The following PIP5K1C variants were observed in gnomAD, a reference collection of about 807,000 sequenced individuals.
PIP5K1C encodes phosphatidylinositol 4-phosphate 5-kinase type-1 gamma.
PIP5K1C carries 45 observed loss-of-function variants against 80.1 expected under a neutral mutation model. That is an observed-to-expected ratio of 0.56 (90% CI 0.44 to 0.72). The LOEUF (loss-of-function observed/expected upper bound fraction) is 0.72. Ranked by LOEUF, PIP5K1C falls within the 30% of genes least tolerant of loss-of-function variation. The probability of loss-of-function intolerance (pLI) is 0.00; values close to 1 mark genes in which losing one functional copy is unlikely to be tolerated. For missense variants in PIP5K1C, 753 were observed against 954.6 expected (o/e 0.79, Z 2.78); for synonymous variants, 498 against 420.1 (o/e 1.19, Z -2.27).
intron 1 of PIP5K1C, 27 bp from the exon 2 acceptor site, chr19:3,667,380 G>C (rs1429116070): frequency 8.1e-6 from 13 of 1,612,712 alleles, no homozygotes; most frequent in Non-Finnish European, 8.5e-6. Flanking sequence ...CTGGGTATCA[G>C]ACAGGAAACC....
chr19:3,673,372 C>G (rs978549305), intron 1 of PIP5K1C, among the ~76,000 whole-genome samples: 1 of 152,198 alleles, frequency 6.6e-6, no homozygotes, highest in Non-Finnish European at 1.5e-5. Context: ...CACGGCACCA[C>G]CTGATACATG....
intron 13 of PIP5K1C, 77 bp from the exon 14 acceptor site, chr19:3,643,016 G>A (rs972632443): frequency 2.7e-5 from 42 of 1,557,902 alleles, no homozygotes; most frequent in East Asian, 4.5e-5. Context: ...TTGCCTACCC[G>A]CCTGCCTACC....
At position 3,662,016 on chromosome 19, in the gene PIP5K1C, G is replaced by C; in HGVS notation, c.220-15C>G. The C allele has an allele frequency of 6.3e-7, 1 of 1,577,220 alleles. No individual in the cohort carries two copies. The highest frequency in any genetic ancestry group is 8.6e-7 in the Non-Finnish European group (1 of 1,164,718). ...GAGGAGGTGGTCTGCAGGGAGACCA[G>C]AGTGTCAGGGCCCCCGGCTGCTCCC... On this transcript the variant is annotated splice_polypyrimidine_tract_variant and intron_variant, in intron 3 of 17. Transcript: ENST00000335312.
At chr19:3,664,090 C>T (rs776661944) in intron 3 of PIP5K1C, among the ~76,000 whole-genome samples, 47 of 152,324 alleles carry the variant, frequency 3.1e-4, no homozygotes, top group Non-Finnish European at 5.9e-4. Context: ...ACCCTGAGGA[C>T]GCTACACTCA....
In PIP5K1C at chr19:3,632,768, G is replaced by T. The variant is rs1380524408; in HGVS notation, c.*399C>A. On this transcript the variant is annotated 3_prime_UTR_variant, in exon 18 of 18. Transcript: ENST00000335312. ...CCCAGAGGCCACCGCGAACAGCCTG[G>T]CTTCTTCCTCAGGACACAGGCAGGC... is the stretch of plus-strand genomic sequence containing the variant. The T allele has an allele frequency of 1.6e-5, 3 of 190,730 alleles. No individual in the cohort carries two copies. The highest frequency in any genetic ancestry group is 3.2e-5 in the Non-Finnish European group (3 of 94,110). The allele number at this position is 190,730 out of a possible 1,614,324, so 11.8% of individuals were successfully genotyped here.
chr19:3,654,139 C>T (rs1054462455), intron 6 of PIP5K1C, among the ~76,000 whole-genome samples: 1 of 152,210 alleles, frequency 6.6e-6, no homozygotes, highest in Non-Finnish European at 1.5e-5. Flanking sequence ...AGTGCCAGGA[C>T]TCCAGGCGTG....
intron 10 of PIP5K1C, among the ~76,000 whole-genome samples, chr19:3,646,504 C>A (rs926727926): frequency 6.6e-6 from 1 of 152,146 alleles, no homozygotes; most frequent in African/African-American, 2.4e-5. Flanking sequence ...ACTCCACCCC[C>A]GCAGGCTGCA....
intron 1 of PIP5K1C, among the ~76,000 whole-genome samples, chr19:3,670,660 G>A (rs1054322124): frequency 6.6e-6 from 1 of 152,204 alleles, no homozygotes; most frequent in Non-Finnish European, 1.5e-5. Flanking sequence ...CTCCAGTGAG[G>A]ACCCCAGCCC....
intron 16 of PIP5K1C, among the ~76,000 whole-genome samples, chr19:3,636,084 G>C (rs767875011): frequency 6.6e-5 from 10 of 152,124 alleles, no homozygotes; most frequent in Non-Finnish European, 8.8e-5. Context: ...TTGTACCTGG[G>C]GGGTGGAGGT....
intron 16 of PIP5K1C, among the ~76,000 whole-genome samples, chr19:3,635,815 T>A (rs2033662283): frequency 6.6e-6 from 1 of 151,666 alleles, no homozygotes; most frequent in Non-Finnish European, 1.5e-5. Flanking sequence ...TCGTCTCTAC[T>A]AAAAATACAA....
At chr19:3,634,798 G>A (rs2033608310) in intron 16 of PIP5K1C, among the ~76,000 whole-genome samples, 1 of 152,200 alleles carries the variant, frequency 6.6e-6, no homozygotes, top group South Asian at 2.1e-4. Context: ...ACTCCACCCT[G>A]CCCGATCCTA....
rs117166670 is a variant in PIP5K1C at position 3,695,561 on chromosome 19, C to T, written c.94+4736G>A. On this transcript the variant is annotated intron_variant, in intron 1 of 17. Transcript: ENST00000335312. The stretch of plus-strand genomic sequence containing the variant: ...GTGTGAACCCAGGAGGGCCGGCCCC[C>T]GAGGCCTCTCCACTGGGACACCCAG... Among the ~76,000 whole-genome samples the T allele has an allele frequency of 3.4e-3, 512 of 152,270 alleles. 6 individuals are homozygous for T. The highest frequency in any genetic ancestry group is 0.031 in the East Asian group (160 of 5,172).
At chr19:3,633,394 T>G in intron 17 of PIP5K1C, 43 bp downstream of exon 17, 1 of 1,409,378 alleles carries the variant, frequency 7.1e-7, no homozygotes, top group Non-Finnish European at 9.5e-7. Context: ...CAGTAGAACC[T>G]TGGAGCCCAC....
intron 16 of PIP5K1C, among the ~76,000 whole-genome samples, chr19:3,638,239 C>T (rs866467138): frequency 6.6e-6 from 1 of 152,142 alleles, no homozygotes; most frequent in Non-Finnish European, 1.5e-5. Context: ...CCTCGCTGGC[C>T]GCCCGGCAGC....
At chr19:3,679,366 T>C (rs958309337) in intron 1 of PIP5K1C, among the ~76,000 whole-genome samples, 1 of 152,182 alleles carries the variant, frequency 6.6e-6, no homozygotes, top group Admixed American at 6.5e-5. Context: ...TGTCCCTGCT[T>C]GGCCGGCTCC....
intron 3 of PIP5K1C, 76 bp downstream of exon 3, chr19:3,664,746 T>C (rs1311077295): frequency 8.2e-7 from 1 of 1,225,856 alleles, no homozygotes; most frequent in Non-Finnish European, 1.2e-6. Context: ...ATAGGCCCCA[T>C]CCATGCTACC....
chr19:3,641,833 C>T, intron 14 of PIP5K1C, 24 bp from the exon 15 acceptor site: 2 of 1,580,594 alleles, frequency 1.3e-6, no homozygotes, highest in Non-Finnish European at 1.7e-6. Flanking sequence ...GAGGTTGTGC[C>T]TCGGTTTCCC....
chr19:3,644,184 G>A lies in PIP5K1C; in HGVS notation c.1413C>T (p.Pro471=), dbSNP rs375038916. The A allele has an allele frequency of 1.2e-4, 196 of 1,612,192 alleles. No individual in the cohort carries two copies. Among genetic ancestry groups the A allele is most frequent in the Non-Finnish European group, 1.6e-4 (191 of 1,179,888 alleles). Residue 471 remains proline, a synonymous_variant, in exon 12 of 18, where the codon CCC becomes CCT. Coordinates refer to ENST00000335312, the MANE Select transcript of PIP5K1C (RefSeq NM_012398.3). ...GALLAVKPLG[P]TAAFSASQIP... is the part of the protein sequence containing the mutation. ...TCTGGCTGGCCGAGAAGGCAGCGGTGGGCCCCAGCGGTTTCACAGCTAGCA... is the reference window on the plus strand; with the variant it reads ...TCTGGCTGGCCGAGAAGGCAGCGGTAGGCCCCAGCGGTTTCACAGCTAGCA...
chr19:3,639,094 G>A, intron 15 of PIP5K1C, 78 bp from the exon 16 acceptor site: 1 of 1,529,506 alleles, frequency 6.5e-7, no homozygotes, highest in East Asian at 2.3e-5. Context: ...TCAGGACCCA[G>A]GCAGGGGCTT....
Sources: allele counts gnomAD v4.1 joint callset (sites outside exome capture counted in the v4.1 genomes callset), GRCh38; gene constraint gnomAD v4.1.1; transcripts MANE v1.5; gene names NCBI Gene and HGNC (gene_info 2026-07-23, HGNC 2026-07-21).